AKT3: variants seen among roughly 807,000 people sequenced by gnomAD.
The protein encoded by AKT3 is AKT serine/threonine kinase 3.
A neutral mutation model predicts 65.3 loss-of-function variants in AKT3; 15 were observed. The observed-to-expected ratio is 0.23, with a 90% confidence interval of 0.15 to 0.35. The LOEUF (loss-of-function observed/expected upper bound fraction) is 0.35. AKT3 is among the 10% of genes least tolerant of loss of function. The pLI, the probability that AKT3 is intolerant of heterozygous loss-of-function variation, is 1.00. For missense variants in AKT3, 243 were observed against 576.5 expected (o/e 0.42, Z 5.92); for synonymous variants, 206 against 183.8 (o/e 1.12, Z -0.98).
chr1:243,683,261 G>A (rs565176610), intron 3 of AKT3, among the ~76,000 whole-genome samples: 3 of 152,224 alleles, frequency 2.0e-5, no homozygotes, highest in East Asian at 1.9e-4. Context: ...ACATAGTAAC[G>A]CTCAAAGAAA....
intron 10 of AKT3, among the ~76,000 whole-genome samples, chr1:243,558,775 A>G (rs750724929): frequency 2.6e-5 from 4 of 152,066 alleles, no homozygotes; most frequent in Non-Finnish European, 4.4e-5. Context: ...TTTAGCATGT[A>G]CTTTTTGTGT....
At chr1:243,736,150 T>C (rs752686804) in intron 2 of AKT3, among the ~76,000 whole-genome samples, 2 of 152,214 alleles carry the variant, frequency 1.3e-5, no homozygotes, top group South Asian at 2.1e-4. Context: ...CTGCCACTTA[T>C]TATCAGTGTA....
At chr1:243,823,002 C>T (rs1026083319) in intron 2 of AKT3, among the ~76,000 whole-genome samples, 5 of 152,134 alleles carry the variant, frequency 3.3e-5, no homozygotes, top group Non-Finnish European at 5.9e-5. Flanking sequence ...GCCAATATCC[C>T]TGATGAACAT....
chr1:243,488,926 A>G lies in AKT3; in HGVS notation c.*7-476T>C. The G allele has an allele frequency of 2.5e-6, 4 of 1,595,804 alleles. No homozygotes were observed. In the South Asian group the frequency reaches 4.4e-5, roughly 18 times the overall value. On this transcript the variant is annotated intron_variant, in intron 13 of 13. Transcript: ENST00000336199. ...GGCGTCCTGCTCATGGTTCCCTATC[A>G]GGGGCTTCCCTCAGATACACACAGC...
At chr1:243,516,094 T>C (rs1389827860) in intron 12 of AKT3, among the ~76,000 whole-genome samples, 1 of 152,222 alleles carries the variant, frequency 6.6e-6, no homozygotes, top group Non-Finnish European at 1.5e-5. Context: ...GAACTGATAA[T>C]ATTCCTTAAA....
chr1:243,799,113 C>A (rs1692226117), intron 2 of AKT3, among the ~76,000 whole-genome samples: 1 of 152,152 alleles, frequency 6.6e-6, no homozygotes, highest in Non-Finnish European at 1.5e-5. Flanking sequence ...ATCTTTACAT[C>A]CTTGAGCTCT....
At chr1:243,525,584 A>C (rs1311745834) in intron 12 of AKT3, among the ~76,000 whole-genome samples, 1 of 150,126 alleles carries the variant, frequency 6.7e-6, no homozygotes, top group Non-Finnish European at 1.5e-5. Flanking sequence ...GAAAAACCTA[A>C]AATAAAAAAA....
At chr1:243,579,439 G>A (rs1019197858) in intron 8 of AKT3, among the ~76,000 whole-genome samples, 1 of 152,132 alleles carries the variant, frequency 6.6e-6, no homozygotes, top group Non-Finnish European at 1.5e-5. Context: ...TATAAAAAAA[G>A]GAAGCAAGAC....
chr1:243,554,812 T>C (rs1363580543), intron 10 of AKT3, among the ~76,000 whole-genome samples: 2 of 151,590 alleles, frequency 1.3e-5, no homozygotes, highest in Admixed American at 1.3e-4. Flanking sequence ...ATAAAAAGCA[T>C]AAAAGCTGGA....
chr1:243,590,204 A>G (rs768037712), intron 8 of AKT3, among the ~76,000 whole-genome samples: 6 of 152,178 alleles, frequency 3.9e-5, no homozygotes, highest in Non-Finnish European at 8.8e-5. Flanking sequence ...ACTGTACTGT[A>G]TATTTAAAAT....
chr1:243,848,668 G>A (rs1695616623), intron 1 of AKT3, among the ~76,000 whole-genome samples: 2 of 152,116 alleles, frequency 1.3e-5, no homozygotes, highest in Non-Finnish European at 2.9e-5. Context: ...ACCAAATACG[G>A]AACACATGTC....
chr1:243,776,839 A>C (rs1690583888), intron 2 of AKT3, among the ~76,000 whole-genome samples: 1 of 152,216 alleles, frequency 6.6e-6, no homozygotes, highest in Admixed American at 6.5e-5. Flanking sequence ...GCAATAAAAA[A>C]AGATAAGGTG....
chr1:243,799,490 T>C (rs1692252099), intron 2 of AKT3, among the ~76,000 whole-genome samples: 2 of 152,344 alleles, frequency 1.3e-5, no homozygotes, highest in South Asian at 4.1e-4. Flanking sequence ...TTCATAGTTT[T>C]AGAAACATAG....
chr1:243,753,075 A>C (rs1688908633), intron 2 of AKT3, among the ~76,000 whole-genome samples: 2 of 152,182 alleles, frequency 1.3e-5, no homozygotes, highest in African/African-American at 2.4e-5. Flanking sequence ...ATTTGCCTTA[A>C]GTTCTCCAAA....
rs528157865 is a variant in AKT3 at position 243,815,166 on chromosome 1, T to C, written c.46+27959A>G. ...GGAATTTTCAAGCCCTACAGTTCCC[T>C]GCTCTTTTTTCTTTAATAGTATTTC... On this transcript the variant is annotated intron_variant, in intron 2 of 13. Transcript: ENST00000673466. 2.0e-5 allele frequency among the ~76,000 whole-genome samples: 3 copies of C among 152,334 alleles called. No homozygotes were observed. The South Asian group carries it at 6.2e-4, about 32-fold the overall frequency.
intron 2 of AKT3, among the ~76,000 whole-genome samples, chr1:243,727,860 AT>A (rs1022707748): frequency 6.6e-6 from 1 of 152,228 alleles, no homozygotes; most frequent in African/African-American, 2.4e-5. Flanking sequence ...GTTTAAAAAA[AT>A]AATTATAACA....
intron 6 of AKT3, among the ~76,000 whole-genome samples, chr1:243,628,566 A>C (rs1342192669): frequency 1.3e-5 from 2 of 152,086 alleles, no homozygotes; most frequent in Non-Finnish European, 2.9e-5. Flanking sequence ...TGGCCTCCCA[A>C]AGTGTTGAGA....
chr1:243,535,557 C>CT (rs1671868537), intron 12 of AKT3, among the ~76,000 whole-genome samples: 1 of 152,100 alleles, frequency 6.6e-6, no homozygotes, highest in Non-Finnish European at 1.5e-5. Flanking sequence ...TTATTTTGTT[C>CT]TTTTTTATGG....
intron 6 of AKT3, among the ~76,000 whole-genome samples, chr1:243,616,839 G>A (rs1678363187): frequency 6.6e-6 from 1 of 152,142 alleles, no homozygotes; most frequent in African/African-American, 2.4e-5. Flanking sequence ...ACGAGTGAAG[G>A]AAAGCATAAA....
Sources: allele counts gnomAD v4.1 joint callset (sites outside exome capture counted in the v4.1 genomes callset), GRCh38; gene constraint gnomAD v4.1.1; transcripts MANE v1.5; gene names NCBI Gene and HGNC (gene_info 2026-07-23, HGNC 2026-07-21).